Variants in LUZP2 observed in about 807,000 individuals in gnomAD.
LUZP2 encodes leucine zipper protein 2.
Under a neutral mutation model 51.6 loss-of-function variants are expected in LUZP2, and 52 were observed. The observed-to-expected ratio is 1.01, with a 90% CI of 0.81 to 1.27. LUZP2 has a LOEUF of 1.27. Among genes scored for constraint, LUZP2 ranks in the 50% most tolerant of loss-of-function variants. LUZP2 has a pLI of 0.00. For missense variants in LUZP2, 436 were observed against 395.4 expected (o/e 1.10, Z -0.87); for synonymous variants, 154 against 137.3 (o/e 1.12, Z -0.85).
At chr11:24,622,741 A>G (rs1854541377) in intron 1 of LUZP2, among the ~76,000 whole-genome samples, 1 of 152,272 alleles carries the variant, frequency 6.6e-6, no homozygotes, top group Non-Finnish European at 1.5e-5. Context: ...AATACATCCC[A>G]CTTCCTAGGA....
At chr11:24,723,898 T>G (rs1858371952) in intron 1 of LUZP2, among the ~76,000 whole-genome samples, 1 of 151,922 alleles carries the variant, frequency 6.6e-6, no homozygotes, top group African/African-American at 2.4e-5. Context: ...ATATGAAAAA[T>G]TTTTACAAAC....
At chr11:24,663,011 A>G (rs1285849787) in intron 1 of LUZP2, among the ~76,000 whole-genome samples, 3 of 152,066 alleles carry the variant, frequency 2.0e-5, no homozygotes, top group African/African-American at 7.2e-5. Context: ...AATAAATAAT[A>G]ATAATATGAA....
At chr11:25,035,560 C>T (rs1351523071) in intron 9 of LUZP2, among the ~76,000 whole-genome samples, 1 of 151,948 alleles carries the variant, frequency 6.6e-6, no homozygotes, top group Admixed American at 6.6e-5. Flanking sequence ...ATTGAAAAAC[C>T]TTCCATGCTC....
At chr11:24,616,470 TGC>T (rs1491279482) in intron 1 of LUZP2, among the ~76,000 whole-genome samples, 27 of 124,734 alleles carry the variant, frequency 2.2e-4, no homozygotes, top group African/African-American at 7.7e-4. Flanking sequence ...GTATTTGGCG[TGC>T]GCATGTGTGT....
At chr11:24,597,514 A>C (rs1853482271) in intron 1 of LUZP2, among the ~76,000 whole-genome samples, 1 of 152,220 alleles carries the variant, frequency 6.6e-6, no homozygotes, top group South Asian at 2.1e-4. Flanking sequence ...AAAGTTGTGC[A>C]TACAAATGTA....
chr11:24,543,170 T>A (rs7124669), intron 1 of LUZP2, among the ~76,000 whole-genome samples: 29,252 of 150,644 alleles, frequency 0.19, 3,439 homozygotes, highest in Middle Eastern at 0.36. Context: ...TCAATTTGTA[T>A]ATAAGAAAAC....
chr11:24,515,873 C>G (rs1253141392), intron 1 of LUZP2, among the ~76,000 whole-genome samples: 1 of 152,144 alleles, frequency 6.6e-6, no homozygotes, highest in Non-Finnish European at 1.5e-5. Context: ...TAAAGCTATT[C>G]TGCTGGGACC....
Position 24,945,641 on chromosome 11 carries a change from A to G in LUZP2, c.523-30950A>G, listed in dbSNP as rs186530563. ...ATAAGGCTCTCTATGAACAACCTCT[A>G]TCTATATCTTCAGTCTTATCAGCAC... On this transcript the variant is annotated intron_variant, in intron 7 of 11. Coordinates refer to ENST00000336930, the MANE Select transcript of LUZP2 (RefSeq NM_001009909.4). 3.7e-3 allele frequency among the ~76,000 whole-genome samples: 561 copies of G among 151,616 alleles called. 1 individual carries two copies. Among genetic ancestry groups the G allele is most frequent in the African/African-American group, 0.013 (543 of 41,350 alleles).
At chr11:24,652,673 C>T (rs919027934) in intron 1 of LUZP2, among the ~76,000 whole-genome samples, 4 of 151,932 alleles carry the variant, frequency 2.6e-5, no homozygotes, top group Non-Finnish European at 5.9e-5. Context: ...TTATAATAAT[C>T]TCATAAGAAA....
chr11:24,591,157 C>G (rs535206621), intron 1 of LUZP2, among the ~76,000 whole-genome samples: 1 of 152,174 alleles, frequency 6.6e-6, no homozygotes, highest in East Asian at 1.9e-4. Flanking sequence ...AAACAATATC[C>G]TTAGTTCTTC....
chr11:24,565,413 G>A (rs1169257281), intron 1 of LUZP2, among the ~76,000 whole-genome samples: 2 of 152,126 alleles, frequency 1.3e-5, no homozygotes, highest in East Asian at 1.9e-4. Flanking sequence ...TATAAGGGAC[G>A]TGAAGGTAAA....
At chr11:24,547,263 C>T (rs1851582870) in intron 1 of LUZP2, among the ~76,000 whole-genome samples, 1 of 151,564 alleles carries the variant, frequency 6.6e-6, no homozygotes. Flanking sequence ...ATTGCCAAAG[C>T]AATCCTAAAC....
chr11:25,062,262 G>A (rs1858861610), intron 10 of LUZP2, among the ~76,000 whole-genome samples: 1 of 151,032 alleles, frequency 6.6e-6, no homozygotes, highest in Non-Finnish European at 1.5e-5. Flanking sequence ...TGGCCAAACA[G>A]ATAGGTAGGC....
intron 1 of LUZP2, among the ~76,000 whole-genome samples, chr11:24,671,314 C>T (rs1455767055): frequency 6.6e-6 from 1 of 151,698 alleles, no homozygotes; most frequent in Non-Finnish European, 1.5e-5. Flanking sequence ...AGTTTTTCTC[C>T]TTGAACTGAA....
At chr11:24,834,280 G>T (rs2631486) in intron 5 of LUZP2, among the ~76,000 whole-genome samples, 23,764 of 151,800 alleles carry the variant, frequency 0.16, 2,062 homozygotes, top group African/African-American at 0.22. Context: ...AGGGTGTGTT[G>T]TTGCCTTCCC....
intron 1 of LUZP2, among the ~76,000 whole-genome samples, chr11:24,621,440 C>T (rs186033846): frequency 1.3e-5 from 2 of 152,204 alleles, no homozygotes; most frequent in Admixed American, 1.3e-4. Context: ...TTTAATGACT[C>T]ACTGAGCAGG....
At chr11:25,034,754 C>A (rs1461567467) in intron 9 of LUZP2, among the ~76,000 whole-genome samples, 3 of 151,944 alleles carry the variant, frequency 2.0e-5, no homozygotes, top group Admixed American at 6.6e-5. Context: ...TATTTCTGAG[C>A]CTTCTATTCC....
chr11:25,005,384 C>T (rs1291994454), intron 9 of LUZP2, among the ~76,000 whole-genome samples: 3 of 152,148 alleles, frequency 2.0e-5, no homozygotes, highest in East Asian at 3.9e-4. Context: ...TGCCTTCCCT[C>T]TTACAGAAAA....
At chr11:24,626,847 A>C (rs1854702143) in intron 1 of LUZP2, among the ~76,000 whole-genome samples, 1 of 152,218 alleles carries the variant, frequency 6.6e-6, no homozygotes, top group Non-Finnish European at 1.5e-5. Flanking sequence ...AATGGCTGAA[A>C]AAAATCAAGT....
Sources: allele counts gnomAD v4.1 joint callset (sites outside exome capture counted in the v4.1 genomes callset), GRCh38; gene constraint gnomAD v4.1.1; transcripts MANE v1.5; gene names NCBI Gene and HGNC (gene_info 2026-07-23, HGNC 2026-07-21).